The following MCC variants were observed in gnomAD, a reference collection of about 807,000 sequenced individuals.
MCC encodes the protein colorectal mutant cancer protein.
In MCC, 90 loss-of-function variants were observed where a neutral mutation model predicts 116.2. The observed-to-expected ratio is 0.77, with a 90% CI of 0.65 to 0.92. The LOEUF (loss-of-function observed/expected upper bound fraction) is 0.92, where lower values mean the gene tolerates loss of function less well. Ranked by LOEUF, MCC falls within the 40% of genes least tolerant of loss-of-function variation. The probability of loss-of-function intolerance (pLI) is 0.00; values close to 1 mark genes in which losing one functional copy is unlikely to be tolerated. For synonymous variants in MCC, 578 were observed against 510.5 expected, an observed-to-expected ratio of 1.13 and a Z score of -1.78; for missense variants, 1,516 against 1,312.2, an observed-to-expected ratio of 1.16 and a Z score of -2.40.
At chr5:113,369,323 G>C (rs1353355514) in intron 2 of MCC, among the ~76,000 whole-genome samples, 1 of 151,724 alleles carries the variant, frequency 6.6e-6, no homozygotes, top group Non-Finnish European at 1.5e-5. Context: ...CAACTCATTA[G>C]CACATAAAAA....
intron 3 of MCC, among the ~76,000 whole-genome samples, chr5:113,181,322 T>C (rs1015600567): frequency 2.0e-5 from 3 of 152,336 alleles, no homozygotes; most frequent in East Asian, 1.9e-4. Flanking sequence ...ATGTACTGAT[T>C]AGAATTTAGA....
chr5:113,355,600 A>C (rs1406323475), intron 2 of MCC, among the ~76,000 whole-genome samples: 1 of 152,126 alleles, frequency 6.6e-6, no homozygotes, highest in Non-Finnish European at 1.5e-5. Flanking sequence ...ATGGGGTGCC[A>C]GCATGGTAGG....
intron 2 of MCC, among the ~76,000 whole-genome samples, chr5:113,354,782 GTAT>G (rs753455923): frequency 1.1e-4 from 8 of 70,780 alleles, no homozygotes; most frequent in African/African-American, 1.5e-4. Context: ...CATATACCCT[GTAT>G]TATTATTATT....
chr5:113,377,796 T>C (rs1769021792), intron 2 of MCC, among the ~76,000 whole-genome samples: 1 of 152,190 alleles, frequency 6.6e-6, no homozygotes, highest in Non-Finnish European at 1.5e-5. Context: ...GAATGTAAAA[T>C]GGTACCCATT....
chr5:113,408,620 T>C (rs1398240189), intron 1 of MCC, among the ~76,000 whole-genome samples: 2 of 152,194 alleles, frequency 1.3e-5, no homozygotes, highest in African/African-American at 2.4e-5. Context: ...GTTAGAAATA[T>C]GAGCTCTCAG....
intron 2 of MCC, among the ~76,000 whole-genome samples, chr5:113,354,905 A>G (rs1768373279): frequency 6.6e-6 from 1 of 151,842 alleles, no homozygotes. Context: ...AAAAATATTT[A>G]GAAAAAAAGA....
At chr5:113,176,632 A>T (rs1271475233) in intron 3 of MCC, among the ~76,000 whole-genome samples, 1 of 152,166 alleles carries the variant, frequency 6.6e-6, no homozygotes, top group Non-Finnish European at 1.5e-5. Context: ...CTTTCCCTGC[A>T]AACTAACCCA....
chr5:113,457,661 A>G (rs955638671), intron 1 of MCC, among the ~76,000 whole-genome samples: 15 of 151,566 alleles, frequency 9.9e-5, no homozygotes, highest in Non-Finnish European at 2.1e-4. Context: ...GATTGTAAAT[A>G]CACCAATCGG....
chr5:113,051,343 G>A (rs982506121), intron 15 of MCC, among the ~76,000 whole-genome samples: 1 of 152,172 alleles, frequency 6.6e-6, no homozygotes, highest in Non-Finnish European at 1.5e-5. Context: ...ACAAGAAGCA[G>A]AAATAACAAT....
At chr5:113,149,249 AC>A (rs1439249405) in intron 4 of MCC, among the ~76,000 whole-genome samples, 2 of 151,892 alleles carry the variant, frequency 1.3e-5, no homozygotes, top group Non-Finnish European at 2.9e-5. Flanking sequence ...TAAAAAAAAA[AC>A]ACTGTAAAAC....
intron 3 of MCC, among the ~76,000 whole-genome samples, chr5:113,211,543 C>T (rs1369786744): frequency 6.6e-6 from 1 of 152,152 alleles, no homozygotes; most frequent in Non-Finnish European, 1.5e-5. Flanking sequence ...GTTCTTGTTG[C>T]CTAATGCTGA....
intron 3 of MCC, among the ~76,000 whole-genome samples, chr5:113,339,876 C>T (rs749423342): frequency 6.6e-6 from 1 of 152,234 alleles, no homozygotes. Flanking sequence ...ACCTTTCCCA[C>T]AGTGGCTGCA....
At chr5:113,090,765 T>A (rs914535451) in intron 8 of MCC, among the ~76,000 whole-genome samples, 5 of 152,142 alleles carry the variant, frequency 3.3e-5, no homozygotes, top group African/African-American at 1.2e-4. Flanking sequence ...TACACAACAA[T>A]TGAAACTTCC....
At chr5:113,321,031 A>G (rs553860269) in intron 3 of MCC, among the ~76,000 whole-genome samples, 5 of 152,252 alleles carry the variant, frequency 3.3e-5, no homozygotes, top group Non-Finnish European at 5.9e-5. Context: ...CATAGGCATG[A>G]AACAATATTC....
chr5:113,481,969 C>G (rs1772391938), intron 1 of MCC, among the ~76,000 whole-genome samples: 1 of 152,164 alleles, frequency 6.6e-6, no homozygotes, highest in South Asian at 2.1e-4. Flanking sequence ...ATCACTAATC[C>G]ACTTTCTATC....
At chr5:113,361,569 T>C (rs1441304366) in intron 2 of MCC, among the ~76,000 whole-genome samples, 3 of 152,220 alleles carry the variant, frequency 2.0e-5, no homozygotes, top group African/African-American at 2.4e-5. Flanking sequence ...ATATTTGTGA[T>C]GGTTAATTTT....
At chr5:113,288,448 G>T (rs61159895) in intron 3 of MCC, among the ~76,000 whole-genome samples, 2,447 of 152,192 alleles carry the variant, frequency 0.016, 68 homozygotes, top group African/African-American at 0.057. Flanking sequence ...AAAAATAGAA[G>T]TCTCTCTCCC....
chr5:113,478,626 C>T (rs1468191745), intron 1 of MCC, among the ~76,000 whole-genome samples: 1 of 152,106 alleles, frequency 6.6e-6, no homozygotes, highest in Non-Finnish European at 1.5e-5. Context: ...TATGCAGTTA[C>T]TGCATATAGC....
In MCC at chr5:113,104,150, T is replaced by G. The variant is rs778203821; in HGVS notation, c.1191+42A>C. The G allele has an allele frequency of 5.2e-6, 8 of 1,542,122 alleles. No individual in the cohort carries two copies. The South Asian group carries it at 9.9e-5, about 19-fold the overall frequency. On this transcript the variant is annotated intron_variant, in intron 7 of 18. Coordinates refer to ENST00000408903, the MANE Select transcript of MCC (RefSeq NM_001085377.2). ...AGAGAAGGATTGGACCATTTCCCTT[T>G]CAGAACCTCAAAGGGCCTCACAGAG...
Sources: gnomAD v4.1 joint callset for allele counts (sites outside exome capture counted in the v4.1 genomes callset) on GRCh38, gnomAD v4.1.1 for gene constraint, MANE v1.5 for transcripts, NCBI Gene and HGNC (gene_info 2026-07-23, HGNC 2026-07-21) for gene names.